DCAF6: variants seen among roughly 807,000 people sequenced by gnomAD.
DCAF6 encodes DDB1- and CUL4-associated factor 6.
A neutral mutation model predicts 125.1 loss-of-function variants in DCAF6; 54 were observed. That is an observed-to-expected ratio of 0.43 (90% CI 0.35 to 0.54). The LOEUF (loss-of-function observed/expected upper bound fraction) is 0.54. Among genes scored for constraint, DCAF6 ranks in the 20% least tolerant of loss-of-function variants. The pLI is 0.01. For missense variants in DCAF6, 934 were observed against 1,161.7 expected (o/e 0.80, Z 2.85); for synonymous variants, 371 against 390.4 (o/e 0.95, Z 0.58).
At chr1:168,023,072 T>C (rs1277958119) in intron 12 of DCAF6, 25 bp downstream of exon 12, 1 of 1,611,598 alleles carries the variant, frequency 6.2e-7, no homozygotes, top group Non-Finnish European at 8.5e-7. Context: ...AGATGCGCTA[T>C]GCCCATCCAT....
the DCAF6 span, among the ~76,000 whole-genome samples, chr1:167,902,513 A>G: frequency 6.6e-6 from 1 of 152,200 alleles, no homozygotes; most frequent in Non-Finnish European, 1.5e-5. Flanking sequence ...GTTATTACCA[A>G]CTTTGTATTT....
At chr1:167,883,958 A>G in the DCAF6 span, among the ~76,000 whole-genome samples, 1 of 152,196 alleles carries the variant, frequency 6.6e-6, no homozygotes, top group East Asian at 1.9e-4. Context: ...AAAAATTTAA[A>G]ATTTTTTAAT....
At chr1:167,864,519 C>T in the DCAF6 span, among the ~76,000 whole-genome samples, 8 of 151,902 alleles carry the variant, frequency 5.3e-5, no homozygotes, top group Admixed American at 6.6e-5. Flanking sequence ...TTTTAGACCC[C>T]CTTCGCCCCC....
intron 12 of DCAF6, among the ~76,000 whole-genome samples, chr1:168,031,686 T>C (rs1687110194): frequency 6.6e-6 from 1 of 151,940 alleles, no homozygotes; most frequent in South Asian, 2.1e-4. Context: ...TTATTTATGA[T>C]AGGCAGACTT....
chr1:167,909,379 T>C, the DCAF6 span, among the ~76,000 whole-genome samples: 1 of 152,144 alleles, frequency 6.6e-6, no homozygotes, highest in South Asian at 2.1e-4. Context: ...TGTATGCATT[T>C]CTCCTGGGTA....
At chr1:167,880,237 T>C in the DCAF6 span, 1 of 1,511,808 alleles carries the variant, frequency 6.6e-7, no homozygotes, top group Non-Finnish European at 9.1e-7. Flanking sequence ...ATAAAGATAA[T>C]GAGCGTAGAG....
At chr1:167,922,318 C>G in the DCAF6 span, among the ~76,000 whole-genome samples, 12 of 151,980 alleles carry the variant, frequency 7.9e-5, no homozygotes, top group Admixed American at 5.2e-4. Context: ...TATCTCACAA[C>G]AGTAATGAAC....
At chr1:167,964,717 T>C (rs1427580167) in intron 2 of DCAF6, among the ~76,000 whole-genome samples, 1 of 152,202 alleles carries the variant, frequency 6.6e-6, no homozygotes, top group Non-Finnish European at 1.5e-5. Context: ...GGACATTATG[T>C]TTTGTTTTGC....
At chr1:167,965,291 G>T (rs1676226935) in intron 2 of DCAF6, among the ~76,000 whole-genome samples, 1 of 152,162 alleles carries the variant, frequency 6.6e-6, no homozygotes, top group African/African-American at 2.4e-5. Context: ...CCCAACTGAG[G>T]TGGAACAGGT....
chr1:167,935,333 C>T (rs1671078423), upstream of DCAF6, among the ~76,000 whole-genome samples: 1 of 152,178 alleles, frequency 6.6e-6, no homozygotes, highest in African/African-American at 2.4e-5. Flanking sequence ...CCCTACAGTG[C>T]GACAAACCAC....
At position 168,002,593 on chromosome 1, in the gene DCAF6, A is replaced by G; in HGVS notation, c.997+18A>G. 1.9e-6 allele frequency: 3 copies of G among 1,597,652 alleles called. No homozygotes were observed. The highest frequency in any genetic ancestry group is 2.6e-6 in the Non-Finnish European group (3 of 1,167,568). On this transcript the variant is annotated intron_variant, in intron 8 of 21. Transcript: ENST00000367840. ...ACGAGATGGTAACTATACTTTGGTCAGCTTTTCTTTGTATATGGTATTTTA... is the reference window on the plus strand; with the variant it reads ...ACGAGATGGTAACTATACTTTGGTCGGCTTTTCTTTGTATATGGTATTTTA...
chr1:167,903,777 GGAA>G, the DCAF6 span: 1 of 776,480 alleles, frequency 1.3e-6, no homozygotes, highest in Non-Finnish European at 2.3e-6. Context: ...CATTTCATGG[GGAA>G]GAGGAGGAGT....
chr1:167,926,398 C>A, the DCAF6 span, among the ~76,000 whole-genome samples: 1 of 152,058 alleles, frequency 6.6e-6, no homozygotes, highest in Non-Finnish European at 1.5e-5. Context: ...TTTCTCTCTA[C>A]AAGATAGAAA....
chr1:167,950,242 TTTC>T lies in DCAF6; in HGVS notation c.98-1555_98-1553del, dbSNP rs552520826. Among the ~76,000 whole-genome samples, 247 of 152,324 alleles carry T rather than the reference TTTC, an allele frequency of 1.6e-3. 2 individuals carry two copies. Among genetic ancestry groups the T allele is most frequent in the African/African-American group, 5.7e-3 (237 of 41,582 alleles). On this transcript the variant is annotated intron_variant, in intron 1 of 21. Transcript: ENST00000367840. ...TCATATTGTTAATTTGAATACTTTG[TTTC>T]TTAACTCGTATAACTCAATGAGATT...
chr1:167,953,934 T>C (rs1054902714), intron 2 of DCAF6, among the ~76,000 whole-genome samples: 4 of 152,180 alleles, frequency 2.6e-5, no homozygotes, highest in African/African-American at 9.7e-5. Flanking sequence ...ACCTTTGTTC[T>C]CTGCTTTCGT....
At chr1:167,946,005 G>A (rs1044333799) in intron 1 of DCAF6, among the ~76,000 whole-genome samples, 1 of 139,596 alleles carries the variant, frequency 7.2e-6, no homozygotes, top group African/African-American at 2.7e-5. Flanking sequence ...TGCCCAGGCT[G>A]GAGTGCAATG....
chr1:168,012,804 G>A lies in DCAF6; in HGVS notation c.1379-2977G>A, dbSNP rs369068482. ...GATAAATTCTTATTTAAAAAGCACC[G>A]GAAATATTGAATAAATGGTTCATAA... On this transcript the variant is annotated intron_variant, in intron 10 of 21. Coordinates refer to ENST00000367840, the MANE Select transcript of DCAF6 (RefSeq NM_001198956.2). Among the ~76,000 whole-genome samples the A allele has an allele frequency of 8.3e-4, 126 of 152,144 alleles. 1 individual carries two copies. The South Asian group carries it at 0.023, about 28-fold the overall frequency.
At chr1:168,027,450 A>C (rs935360945) in intron 12 of DCAF6, among the ~76,000 whole-genome samples, 14 of 152,168 alleles carry the variant, frequency 9.2e-5, no homozygotes, top group South Asian at 8.3e-4. Context: ...AAAGTAGTAC[A>C]TTTAATAAGT....
At chr1:167,880,598 G>T in the DCAF6 span, 2 of 1,613,032 alleles carry the variant, frequency 1.2e-6, no homozygotes, top group Non-Finnish European at 1.7e-6. Context: ...AGACACAGAG[G>T]AAAGAGCAGC....
Sources: allele counts gnomAD v4.1 joint callset (sites outside exome capture counted in the v4.1 genomes callset), GRCh38; gene constraint gnomAD v4.1.1; transcripts MANE v1.5; gene names NCBI Gene and HGNC (gene_info 2026-07-23, HGNC 2026-07-21).